Variants in CTNNA2 observed in about 807,000 individuals in gnomAD.
CTNNA2 encodes catenin alpha-2.
Under a neutral mutation model 101.0 loss-of-function variants are expected in CTNNA2, and 42 were observed. The ratio of observed to expected loss-of-function variants is 0.42; its 90% confidence interval spans 0.32 to 0.54. The LOEUF is 0.54. Ranked by LOEUF, CTNNA2 falls within the 20% of genes least tolerant of loss-of-function variation. The pLI, the probability that CTNNA2 is intolerant of heterozygous loss-of-function variation, is 0.14. For missense variants in CTNNA2, 871 were observed against 1,223.1 expected (o/e 0.71, Z 4.29); for synonymous variants, 450 against 456.4 (o/e 0.99, Z 0.18).
chr2:79,268,002 G>A (rs570291685), intron 2 of CTNNA2, among the ~76,000 whole-genome samples: 1 of 152,230 alleles, frequency 6.6e-6, no homozygotes, highest in Admixed American at 6.5e-5. Flanking sequence ...CACTGACCGG[G>A]TTCCTCAGGA....
chr2:79,844,387 A>G (rs1419180954), intron 3 of CTNNA2, among the ~76,000 whole-genome samples: 1 of 152,234 alleles, frequency 6.6e-6, no homozygotes, highest in Admixed American at 6.5e-5. Context: ...ATTGAAGGAA[A>G]AAATATGGAG....
intron 7 of CTNNA2, among the ~76,000 whole-genome samples, chr2:80,287,558 AC>A (rs1163626943): frequency 4.6e-5 from 7 of 152,168 alleles, no homozygotes; most frequent in African/African-American, 7.2e-5. Context: ...GATAGTAATA[AC>A]ACTTACTGAA....
At chr2:79,872,866 AAC>A (rs1328884419) in intron 5 of CTNNA2, among the ~76,000 whole-genome samples, 1 of 90,996 alleles carries the variant, frequency 1.1e-5, no homozygotes, top group Non-Finnish European at 1.8e-5. Flanking sequence ...TCCCAGAGAT[AAC>A]ACAGCTGGCA....
chr2:79,837,494 G>A (rs950254116), intron 3 of CTNNA2, among the ~76,000 whole-genome samples: 1 of 152,022 alleles, frequency 6.6e-6, no homozygotes, highest in Non-Finnish European at 1.5e-5. Context: ...ATCCAATCAA[G>A]TCAACACTCA....
intron 9 of CTNNA2, among the ~76,000 whole-genome samples, chr2:80,449,287 TTAAA>T (rs72400269): frequency 0.015 from 2,279 of 149,882 alleles, 15 homozygotes; most frequent in Middle Eastern, 0.021. Context: ...GTCTCTAAAA[TTAAA>T]TAAATAAATA....
intron 3 of CTNNA2, among the ~76,000 whole-genome samples, chr2:79,816,439 A>C (rs1574043797): frequency 1.3e-5 from 2 of 152,132 alleles, no homozygotes; most frequent in East Asian, 1.9e-4. Flanking sequence ...AGGATTCAAA[A>C]ATTTTTCATG....
chr2:79,498,368 GT>G (rs1671281295), intron 4 of CTNNA2, among the ~76,000 whole-genome samples: 1 of 152,208 alleles, frequency 6.6e-6, no homozygotes, highest in Non-Finnish European at 1.5e-5. Flanking sequence ...GTTAAAGACT[GT>G]TTTGAGCCAG....
intron 7 of CTNNA2, among the ~76,000 whole-genome samples, chr2:80,356,493 C>T (rs972788947): frequency 6.6e-6 from 1 of 152,078 alleles, no homozygotes; most frequent in African/African-American, 2.4e-5. Context: ...CAATAATAAA[C>T]ATTTATTGTG....
chr2:79,311,780 C>T (rs1676380686), intron 2 of CTNNA2, among the ~76,000 whole-genome samples: 1 of 152,132 alleles, frequency 6.6e-6, no homozygotes, highest in Admixed American at 6.5e-5. Context: ...TATTGGTTGC[C>T]TCATTTGCAG....
intron 7 of CTNNA2, among the ~76,000 whole-genome samples, chr2:80,094,359 G>A (rs1032744067): frequency 6.6e-6 from 1 of 152,062 alleles, no homozygotes; most frequent in Admixed American, 6.6e-5. Context: ...TGTTCCATTG[G>A]TCTATCTCTC....
chr2:79,558,189 A>G (rs955908981), intron 1 of CTNNA2, among the ~76,000 whole-genome samples: 1 of 151,968 alleles, frequency 6.6e-6, no homozygotes, highest in Non-Finnish European at 1.5e-5. Context: ...AAAACTGAAC[A>G]TGCCCACAAG....
At chr2:80,280,175 C>CA (rs200527540) in intron 7 of CTNNA2, among the ~76,000 whole-genome samples, 1,925 of 149,972 alleles carry the variant, frequency 0.013, 20 homozygotes, top group Non-Finnish European at 0.021. Context: ...AAGTACAAAA[C>CA]AAAAAAATGA....
chr2:80,380,025 G>A (rs892053674), intron 7 of CTNNA2, among the ~76,000 whole-genome samples: 2 of 134,820 alleles, frequency 1.5e-5, no homozygotes, highest in African/African-American at 2.8e-5. Flanking sequence ...TGTTCGAGAT[G>A]TACTTTTTTT....
intron 2 of CTNNA2, among the ~76,000 whole-genome samples, chr2:79,309,585 G>T (rs1235483123): frequency 6.6e-6 from 1 of 151,756 alleles, no homozygotes; most frequent in East Asian, 1.9e-4. Flanking sequence ...ATAACTGATT[G>T]GTTAACATCA....
At chr2:80,361,360 T>G (rs1674389777) in intron 7 of CTNNA2, among the ~76,000 whole-genome samples, 1 of 152,112 alleles carries the variant, frequency 6.6e-6, no homozygotes, top group Non-Finnish European at 1.5e-5. Context: ...TATATTAGTT[T>G]TTTTACTCAG....
At chr2:80,486,358 A>G (rs983670988) in intron 9 of CTNNA2, among the ~76,000 whole-genome samples, 3 of 152,152 alleles carry the variant, frequency 2.0e-5, no homozygotes, top group Non-Finnish European at 2.9e-5. Flanking sequence ...GTTTTGTTTC[A>G]CTATTCACAA....
At chr2:79,464,993 T>G (rs9677806) in intron 4 of CTNNA2, among the ~76,000 whole-genome samples, 1 of 151,996 alleles carries the variant, frequency 6.6e-6, no homozygotes, top group African/African-American at 2.4e-5. Context: ...TTTAATTAGA[T>G]CCCATTTGTC....
At chr2:79,977,870 A>G (rs955610679) in intron 7 of CTNNA2, among the ~76,000 whole-genome samples, 3 of 152,002 alleles carry the variant, frequency 2.0e-5, no homozygotes, top group Non-Finnish European at 4.4e-5. Context: ...TATCCTTCTC[A>G]GCCTCAATTC....
In CTNNA2 at chr2:79,320,029, CATTTTTTGAGTGAT is replaced by C. The variant is rs558595774; in HGVS notation, c.-318+7236_-318+7249del. The C allele has an allele frequency of 2.4e-4, 36 of 152,176 alleles. 1 individual carries two copies. In the East Asian group the frequency reaches 7.0e-3, roughly 30 times the overall value. The allele number at this position is 152,176 out of a possible 1,614,324, so 9.4% of individuals were successfully genotyped here. A position where few individuals can be genotyped will look rare whatever the true frequency, so the allele number is the denominator to read the frequency against. On this transcript the variant is annotated intron_variant, in intron 3 of 21. Transcript: ENST00000466387. ...CTTCAGTAAGTATTTATCAGATAAA[CATTTTTTGAGTGAT>C]ATATTTTTAGTCAATGAAGGGAGAA...
Sources: allele counts gnomAD v4.1 joint callset (sites outside exome capture counted in the v4.1 genomes callset), GRCh38; gene constraint gnomAD v4.1.1; transcripts MANE v1.5; gene names NCBI Gene and HGNC (gene_info 2026-07-23, HGNC 2026-07-21).